Variants in ENPP6 observed in about 807,000 individuals in gnomAD.
The protein encoded by ENPP6 is glycerophosphocholine cholinephosphodiesterase ENPP6.
In ENPP6, 32 loss-of-function variants were observed where a neutral mutation model predicts 42.0. The ratio of observed to expected loss-of-function variants is 0.76; its 90% confidence interval spans 0.58 to 1.02. The LOEUF is 1.02. Among genes scored for constraint, ENPP6 ranks in the 50% least tolerant of loss-of-function variants. ENPP6 has a pLI of 0.00. For missense variants in ENPP6, 552 were observed against 566.8 expected, an observed-to-expected ratio of 0.97 and a Z score of 0.27; for synonymous variants, 213 against 216.0, an observed-to-expected ratio of 0.99 and a Z score of 0.12.
intron 2 of ENPP6, among the ~76,000 whole-genome samples, chr4:184,149,711 T>TC (rs1215180446): frequency 6.6e-6 from 1 of 152,202 alleles, no homozygotes. Context: ...CAAAGAGTTT[T>TC]AAGCACAGAC....
At chr4:184,143,681 C>T (rs1224726947) in intron 2 of ENPP6, among the ~76,000 whole-genome samples, 1 of 152,258 alleles carries the variant, frequency 6.6e-6, no homozygotes, top group African/African-American at 2.4e-5. Context: ...ATGGCTCCTG[C>T]TGCCCTCTGC....
At chr4:184,102,670 G>A (rs1160321628) in intron 6 of ENPP6, among the ~76,000 whole-genome samples, 1 of 152,214 alleles carries the variant, frequency 6.6e-6, no homozygotes, top group Non-Finnish European at 1.5e-5. Context: ...CAGAGGCGCT[G>A]TTGCAGGGCC....
chr4:184,116,781 A>G (rs1050965128), intron 5 of ENPP6, 75 bp downstream of exon 5: 3 of 1,539,330 alleles, frequency 1.9e-6, no homozygotes, highest in African/African-American at 2.8e-5. Flanking sequence ...AAAAAACTAC[A>G]AGGAAAAGAC....
At chr4:184,159,077 T>A (rs73007848) in intron 1 of ENPP6, among the ~76,000 whole-genome samples, 1 of 152,230 alleles carries the variant, frequency 6.6e-6, no homozygotes, top group African/African-American at 2.4e-5. Flanking sequence ...ACATGTTTTA[T>A]GTCATAGTTC....
chr4:184,118,560 T>C (rs151102232), intron 3 of ENPP6, among the ~76,000 whole-genome samples: 2 of 152,326 alleles, frequency 1.3e-5, no homozygotes, highest in African/African-American at 4.8e-5. Flanking sequence ...AATCCTGGAT[T>C]TGTGATGCCT....
intron 2 of ENPP6, among the ~76,000 whole-genome samples, chr4:184,137,251 C>T (rs753975476): frequency 1.9e-4 from 29 of 152,152 alleles, no homozygotes; most frequent in Non-Finnish European, 8.8e-5. Context: ...CACCCACCAC[C>T]ACACTTGGTT....
At chr4:184,147,499 A>G (rs1736946699) in intron 2 of ENPP6, among the ~76,000 whole-genome samples, 1 of 152,184 alleles carries the variant, frequency 6.6e-6, no homozygotes, top group South Asian at 2.1e-4. Flanking sequence ...TAAATGCTTC[A>G]GCATGGGCCA....
rs752722445 is a variant in ENPP6, at chr4:184,124,235, G to A, written c.459C>T (p.Tyr153=). 2.5e-6 allele frequency: 4 copies of A among 1,614,070 alleles called. No homozygotes were observed. The South Asian group carries it at 3.3e-5, about 13-fold the overall frequency. The change falls in exon 3 of 8, where the codon TAC becomes TAT. Residue 153 remains tyrosine (Y), a synonymous_variant. Transcript: ENST00000296741. The part of the protein sequence containing the change: ...EVEILGVRPT[Y]CLEYKNVPTD... ...TTGGGACATTTTTATATTCTAGGCA[G>A]TAGGTGGGTCTGACACCCAGAATCT...
chr4:184,204,538 T>G (rs1010417251), intron 1 of ENPP6, among the ~76,000 whole-genome samples: 2 of 152,104 alleles, frequency 1.3e-5, no homozygotes, highest in Non-Finnish European at 2.9e-5. Context: ...GGCTCCACTT[T>G]CTCGACTTCA....
At position 184,208,795 on chromosome 4, in the gene ENPP6, A is replaced by T. The variant is rs1733051964; in HGVS notation, c.241+8784T>A. Among the ~76,000 whole-genome samples, 4 of 143,696 alleles carry T rather than the reference A, an allele frequency of 2.8e-5. 1 individual carries two copies. In the Admixed American group the frequency reaches 2.8e-4, roughly 10 times the overall value. The allele number at this position is 143,696 out of a possible 152,430, so 94.3% of individuals were successfully genotyped here. A position where few individuals can be genotyped will look rare whatever the true frequency, so the allele number is the denominator to read the frequency against. The stretch of plus-strand genomic sequence containing the variant: ...CTCCACCTCTGGGGGCAGGGCACAG[A>T]CAAACAAAAAGACAGCAGTAACCTC... On this transcript the variant is annotated intron_variant, in intron 1 of 7. Coordinates refer to ENST00000296741, the MANE Select transcript of ENPP6 (RefSeq NM_153343.4).
Position 184,131,252 on chromosome 4 carries a change from CTCT to C in ENPP6, c.422-6983_422-6981del, listed in dbSNP as rs1736622125. On this transcript the variant is annotated intron_variant, in intron 2 of 7. Coordinates refer to ENST00000296741, the MANE Select transcript of ENPP6 (RefSeq NM_153343.4). The stretch of plus-strand genomic sequence containing the variant: ...TTTCTTTCCTTTTCTTTCTTTCTTT[CTCT>C]TTCTCTTCCTTCCTTCCTTCCTTCC... 4.9e-4 allele frequency among the ~76,000 whole-genome samples: 40 copies of C among 81,046 alleles called. 2 individuals carry two copies. The highest frequency in any genetic ancestry group is 3.8e-3 in the Admixed American group (34 of 8,866). 53.2% of individuals were successfully genotyped at this position (81,046 alleles called of 152,430 possible).
intron 1 of ENPP6, among the ~76,000 whole-genome samples, chr4:184,188,634 T>C (rs939922177): frequency 7.9e-5 from 12 of 152,138 alleles, no homozygotes; most frequent in African/African-American, 2.7e-4. Context: ...GGGGAGACGA[T>C]GCCACATTGC....
chr4:184,138,395 T>C (rs1443278016), intron 2 of ENPP6, among the ~76,000 whole-genome samples: 6 of 152,256 alleles, frequency 3.9e-5, no homozygotes, highest in Admixed American at 3.9e-4. Flanking sequence ...TAAGTTTTTC[T>C]TAAATAATTA....
At chr4:184,169,632 T>G (rs1273875982) in intron 1 of ENPP6, among the ~76,000 whole-genome samples, 1 of 152,182 alleles carries the variant, frequency 6.6e-6, no homozygotes, top group East Asian at 1.9e-4. Context: ...GGGTCCTGGC[T>G]GTGGAGGGCA....
chr4:184,098,630 T>C (rs992042235), intron 6 of ENPP6, among the ~76,000 whole-genome samples: 2 of 152,138 alleles, frequency 1.3e-5, no homozygotes, highest in East Asian at 3.9e-4. Context: ...TTGGGATGGG[T>C]TCCGGAACCA....
At chr4:184,131,539 T>G (rs1406197667) in intron 2 of ENPP6, among the ~76,000 whole-genome samples, 1 of 149,876 alleles carries the variant, frequency 6.7e-6, no homozygotes, top group Non-Finnish European at 1.5e-5. Context: ...TTTTTTTGTA[T>G]TTTTAGTACA....
intron 1 of ENPP6, among the ~76,000 whole-genome samples, chr4:184,181,434 C>A (rs535057588): frequency 7.1e-4 from 108 of 152,276 alleles, no homozygotes; most frequent in African/African-American, 2.6e-3. Context: ...GGCCATACTG[C>A]CCGAAGTAAT....
intron 1 of ENPP6, among the ~76,000 whole-genome samples, chr4:184,199,047 C>G (rs567578619): frequency 6.6e-6 from 1 of 152,160 alleles, no homozygotes; most frequent in African/African-American, 2.4e-5. Context: ...CTCCATGCCA[C>G]GAAGCATATG....
chr4:184,112,582 A>T (rs555758301), intron 6 of ENPP6, 90 bp downstream of exon 6: 1 of 1,455,872 alleles, frequency 6.9e-7, no homozygotes, highest in East Asian at 2.3e-5. Flanking sequence ...AAAATCTTTT[A>T]TGTATAAAAA....
Sources: gnomAD v4.1 joint callset for allele counts (sites outside exome capture counted in the v4.1 genomes callset) on GRCh38, gnomAD v4.1.1 for gene constraint, MANE v1.5 for transcripts, NCBI Gene and HGNC (gene_info 2026-07-23, HGNC 2026-07-21) for gene names.